The following THEMIS variants were observed in gnomAD, a reference collection of about 807,000 sequenced individuals.
THEMIS encodes protein THEMIS.
A neutral mutation model predicts 52.6 loss-of-function variants in THEMIS; 37 were observed. That is an observed-to-expected ratio of 0.70 (90% CI 0.54 to 0.93). The LOEUF (loss-of-function observed/expected upper bound fraction) is 0.93. Ranked by LOEUF, THEMIS falls within the 40% of genes least tolerant of loss-of-function variation. THEMIS has a pLI of 0.00. For missense variants in THEMIS, 808 were observed against 763.1 expected (o/e 1.06, Z -0.69); for synonymous variants, 292 against 272.7 (o/e 1.07, Z -0.70).
chr6:127,741,018 A>AT (rs1775184736), intron 4 of THEMIS, among the ~76,000 whole-genome samples: 1 of 152,190 alleles, frequency 6.6e-6, no homozygotes, highest in African/African-American at 2.4e-5. Flanking sequence ...AAGTACTTAA[A>AT]TTTTATAGAT....
chr6:127,815,886 T>C (rs1778112047), intron 3 of THEMIS, among the ~76,000 whole-genome samples: 1 of 152,164 alleles, frequency 6.6e-6, no homozygotes, highest in Non-Finnish European at 1.5e-5. Flanking sequence ...TCAGTTTCAA[T>C]ACAAGCTAGA....
intron 2 of THEMIS, among the ~76,000 whole-genome samples, chr6:127,830,384 G>T (rs1349747474): frequency 6.6e-6 from 1 of 152,140 alleles, no homozygotes; most frequent in Non-Finnish European, 1.5e-5. Context: ...AAAGGGAACT[G>T]ATTTGTAGTC....
At chr6:127,724,876 A>G (rs1774486487) in intron 4 of THEMIS, among the ~76,000 whole-genome samples, 2 of 152,060 alleles carry the variant, frequency 1.3e-5, no homozygotes, top group South Asian at 4.1e-4. Flanking sequence ...CTTCAAATCT[A>G]TCTTTCATCT....
intron 1 of THEMIS, among the ~76,000 whole-genome samples, chr6:127,912,432 C>T (rs1781433630): frequency 6.6e-6 from 1 of 152,190 alleles, no homozygotes. Context: ...TTCTAACCTC[C>T]AAGCTGTCCT....
At chr6:127,824,334 A>T (rs1267036930) in intron 3 of THEMIS, among the ~76,000 whole-genome samples, 1 of 152,124 alleles carries the variant, frequency 6.6e-6, no homozygotes, top group Non-Finnish European at 1.5e-5. Context: ...CAATAGTTTC[A>T]TAATCCCCAG....
chr6:127,783,783 T>G (rs1776829718), intron 4 of THEMIS, among the ~76,000 whole-genome samples: 1 of 152,232 alleles, frequency 6.6e-6, no homozygotes, highest in African/African-American at 2.4e-5. Context: ...GTTACACTGT[T>G]GTTGGGAATG....
intron 1 of THEMIS, among the ~76,000 whole-genome samples, chr6:127,870,189 C>G (rs1013361899): frequency 7.9e-5 from 12 of 152,176 alleles, no homozygotes; most frequent in African/African-American, 2.4e-4. Flanking sequence ...TTGTGCCCAG[C>G]ACAATCAGGC....
intron 4 of THEMIS, among the ~76,000 whole-genome samples, chr6:127,769,943 G>A (rs1048562261): frequency 1.7e-4 from 26 of 152,116 alleles, no homozygotes; most frequent in African/African-American, 6.0e-4. Flanking sequence ...CCCTACAAAG[G>A]ACATGAACTC....
intron 1 of THEMIS, among the ~76,000 whole-genome samples, chr6:127,860,682 T>C (rs1361373799): frequency 6.6e-6 from 1 of 151,876 alleles, no homozygotes; most frequent in African/African-American, 2.4e-5. Flanking sequence ...CAAAAATAAA[T>C]AAATAAATAA....
At chr6:127,801,269 A>C (rs1176439279) in intron 4 of THEMIS, among the ~76,000 whole-genome samples, 1 of 152,214 alleles carries the variant, frequency 6.6e-6, no homozygotes, top group Non-Finnish European at 1.5e-5. Context: ...TTCAGTGGGC[A>C]AAGTGATGAA....
At chr6:127,832,834 AG>A (rs1778746202) in intron 2 of THEMIS, among the ~76,000 whole-genome samples, 1 of 114,718 alleles carries the variant, frequency 8.7e-6, no homozygotes, top group Admixed American at 1.3e-4. Context: ...CCCAGGCTGG[AG>A]TGCAGTGGTA....
intron 4 of THEMIS, among the ~76,000 whole-genome samples, chr6:127,785,604 A>T (rs568438480): frequency 6.6e-6 from 1 of 152,170 alleles, no homozygotes; most frequent in African/African-American, 2.4e-5. Flanking sequence ...TTATAAAAAT[A>T]TAATCGTTAA....
intron 4 of THEMIS, among the ~76,000 whole-genome samples, chr6:127,807,570 A>C (rs1354621999): frequency 1.3e-5 from 2 of 152,064 alleles, no homozygotes; most frequent in Non-Finnish European, 2.9e-5. Context: ...TCTTTGAAAA[A>C]CTCTCTAACA....
intron 2 of THEMIS, among the ~76,000 whole-genome samples, chr6:127,848,307 C>T (rs974237078): frequency 7.2e-5 from 11 of 151,978 alleles, no homozygotes; most frequent in African/African-American, 2.7e-4. Flanking sequence ...GCCACATTTT[C>T]TTAATCCAGT....
At position 127,813,746 on chromosome 6, in the gene THEMIS, T is replaced by C. The variant is rs1445788173; in HGVS notation, c.895A>G (p.Ser299Gly). 6.2e-7 allele frequency: 1 copy of C among 1,613,974 alleles called. No individual in the cohort carries two copies. Among genetic ancestry groups the C allele is most frequent in the Non-Finnish European group, 8.5e-7 (1 of 1,179,966 alleles). ...EAPEGNHLPQ[S>G]ILQPGKTIVI... ...ATGGTTTTCCCAGGCTGTAAAATGC[T>C]TTGGGGCAGGTGGTTTCCTTCAGGT... Residue 299 changes from serine (S) to glycine (G), a missense_variant, in exon 4 of 6, where the codon AGC becomes GGC. Coordinates refer to ENST00000368248, the MANE Select transcript of THEMIS (RefSeq NM_001010923.3).
chr6:127,698,899 A>AT, the THEMIS span, among the ~76,000 whole-genome samples: 3 of 151,948 alleles, frequency 2.0e-5, no homozygotes, highest in African/African-American at 7.2e-5. Flanking sequence ...ACTGTTGTTA[A>AT]TTTTTCACTT....
chr6:127,898,493 A>C (rs559509807), intron 1 of THEMIS, among the ~76,000 whole-genome samples: 131 of 151,906 alleles, frequency 8.6e-4, no homozygotes, highest in Non-Finnish European at 1.5e-3. Context: ...AAAGATAAAA[A>C]ATAATGGATG....
At chr6:127,864,436 A>T (rs1336991164) in intron 1 of THEMIS, among the ~76,000 whole-genome samples, 1 of 152,160 alleles carries the variant, frequency 6.6e-6, no homozygotes, top group African/African-American at 2.4e-5. Flanking sequence ...TATGCTTTGC[A>T]GTTAGTTTGA....
At chr6:127,800,717 A>C (rs999733338) in intron 4 of THEMIS, among the ~76,000 whole-genome samples, 6 of 152,302 alleles carry the variant, frequency 3.9e-5, no homozygotes, top group South Asian at 2.1e-4. Flanking sequence ...ATAAGGAGGC[A>C]GAAAAATGGG....
Sources: allele counts gnomAD v4.1 joint callset (sites outside exome capture counted in the v4.1 genomes callset), GRCh38; gene constraint gnomAD v4.1.1; transcripts MANE v1.5; gene names NCBI Gene and HGNC (gene_info 2026-07-23, HGNC 2026-07-21).